Variants in A2M observed in about 807,000 individuals in gnomAD.
A2M encodes C3 and PZP-like alpha-2-macroglobulin domain-containing protein 5.
A2M carries 128 observed loss-of-function variants against 183.9 expected under a neutral mutation model. The ratio of observed to expected loss-of-function variants is 0.70; its 90% CI spans 0.60 to 0.81. The LOEUF is 0.81. Ranked by LOEUF, A2M falls within the 30% of genes least tolerant of loss-of-function variation. The pLI, the probability that A2M is intolerant of heterozygous loss-of-function variation, is 0.00. For synonymous variants in A2M, 592 were observed against 670.8 expected, an observed-to-expected ratio of 0.88 and a Z score of 1.81; for missense variants, 1,495 against 1,787.6, an observed-to-expected ratio of 0.84 and a Z score of 2.95.
At chr12:9,109,287 T>A (rs1565603286) in intron 7 of A2M, 34 bp downstream of exon 7, 1 of 1,521,080 alleles carries the variant, frequency 6.6e-7, no homozygotes, top group African/African-American at 1.4e-5. Flanking sequence ...TTTTAAATAA[T>A]CCCCCACAAA....
rs1314308080 is a variant in A2M, at chr12:9,072,452, T to A, written c.4010A>T (p.Glu1337Val). The A allele has an allele frequency of 2.5e-6, 4 of 1,613,088 alleles. No homozygotes were observed. The highest frequency in any genetic ancestry group is 3.4e-6 in the Non-Finnish European group (4 of 1,179,724). The change falls in exon 31 of 36, where the codon GAA becomes GTA. Residue 1337 changes from glutamate to valine, a missense_variant. Coordinates refer to ENST00000318602, the MANE Select transcript of A2M (RefSeq NM_000014.6). ...CACTCCTAAAGCAAAGGGGAACTCT[T>A]CCTTTTCTGGGAGAATATTGTATTT... ...SLKYNILPEKEEFPFALGVQT... is the reference protein window; with the variant it reads ...SLKYNILPEKVEFPFALGVQT...
At chr12:9,105,284 G>C (rs1168413140) in intron 10 of A2M, among the ~76,000 whole-genome samples, 1 of 152,120 alleles carries the variant, frequency 6.6e-6, no homozygotes. Flanking sequence ...ACATAATTCT[G>C]ATTTTCTTCT....
rs780239751 is a variant in A2M, at chr12:9,110,234, T to C, written c.504+80A>G. The C allele has an allele frequency of 3.2e-4, 398 of 1,251,616 alleles. 2 individuals are homozygous for C. In the South Asian group the frequency reaches 5.0e-3, roughly 16 times the overall value. 77.5% of individuals were successfully genotyped at this position (1,251,616 alleles called of 1,614,324 possible). A position where few individuals can be genotyped will look rare whatever the true frequency, so the allele number is the denominator to read the frequency against. ...CCTTTAATGACAAGTTTCTGAGATA[T>C]TGTAAAAACCTCTGAAATAAGAACA... is the stretch of plus-strand genomic sequence containing the variant. On this transcript the variant is annotated intron_variant, in intron 5 of 35. Transcript: ENST00000318602.
intron 26 of A2M, 87 bp downstream of exon 26, chr12:9,077,614 C>T: frequency 1.3e-6 from 2 of 1,560,002 alleles, no homozygotes; most frequent in Non-Finnish European, 1.7e-6. Context: ...GAGGCTTTCC[C>T]TTAGAATTTT....
At chr12:9,074,363 G>A (rs1040953787) in intron 29 of A2M, among the ~76,000 whole-genome samples, 197 bp downstream of exon 29, 14 of 152,068 alleles carry the variant, frequency 9.2e-5, no homozygotes, top group African/African-American at 2.9e-4. Flanking sequence ...ATGGGGTGCC[G>A]GGATTCTGAG....
chr12:9,091,195 C>A lies in A2M; in HGVS notation c.2469+6G>T. The A allele has an allele frequency of 1.2e-6, 2 of 1,612,588 alleles. No individual in the cohort carries two copies. Among genetic ancestry groups the A allele is most frequent in the Non-Finnish European group, 1.7e-6 (2 of 1,178,698 alleles). On this transcript the variant is annotated splice_donor_region_variant and intron_variant, in intron 19 of 35. Coordinates refer to ENST00000318602, the MANE Select transcript of A2M (RefSeq NM_000014.6). ...CTTGTATTTAATTTAGGAAAGAGAT[C>A]CTTACCCGGATGCATTTGGGAAGGT...
chr12:9,089,472 G>T (rs1207039861), intron 21 of A2M, among the ~76,000 whole-genome samples: 1 of 152,194 alleles, frequency 6.6e-6, no homozygotes, highest in Non-Finnish European at 1.5e-5. Context: ...TGTGCATGGT[G>T]GCTCACACCT....
At chr12:9,093,437 C>G (rs371612562) in intron 18 of A2M, 28 bp downstream of exon 18, 12 of 1,480,944 alleles carry the variant, frequency 8.1e-6, no homozygotes, top group Non-Finnish European at 1.0e-5. Context: ...TCTATTGTTG[C>G]ATATTGCATA....
In A2M at chr12:9,091,381, G is replaced by C. The variant is rs753034102; in HGVS notation, c.2289C>G (p.Thr763=). The C allele has an allele frequency of 1.9e-6, 3 of 1,614,158 alleles. No homozygotes were observed. The highest frequency in any genetic ancestry group is 2.2e-5 in the East Asian group (1 of 44,868). ...GGCAGAAGGCCCCTGCCTTCCACTC[G>C]GTGATGGTGTCAGGGACTGTTACTC... ...EVGVTVPDTI[T]EWKAGAFCLS... The change falls in exon 19 of 36, where the codon ACC becomes ACG. Residue 763 remains threonine, a synonymous_variant. Coordinates refer to ENST00000318602, the MANE Select transcript of A2M (RefSeq NM_000014.6).
intron 22 of A2M, among the ~76,000 whole-genome samples, chr12:9,085,181 C>G (rs1225670521): frequency 6.6e-6 from 1 of 151,906 alleles, no homozygotes; most frequent in Non-Finnish European, 1.5e-5. Context: ...TCAAATAGAC[C>G]TAATGGATAC....
In A2M at chr12:9,104,237, AC is replaced by A; in HGVS notation, c.1266+1del. On this transcript the variant is annotated splice_donor_variant, in intron 11 of 35. Coordinates refer to ENST00000318602, the MANE Select transcript of A2M (RefSeq NM_000014.6). LOFTEE classifies it high-confidence loss of function. ...TCATTGGTAATTTCTTTCCAAACTT[AC>A]CCTAACAGTAAGAGAGGTACCCATA... The A allele has an allele frequency of 6.2e-7, 1 of 1,607,560 alleles. No individual in the cohort carries two copies. The highest frequency in any genetic ancestry group is 2.2e-5 in the East Asian group (1 of 44,666).
At chr12:9,076,477 T>TA (rs1203804116) in intron 28 of A2M, among the ~76,000 whole-genome samples, 1 of 152,226 alleles carries the variant, frequency 6.6e-6, no homozygotes, top group Non-Finnish European at 1.5e-5. Flanking sequence ...GTCCCTGACT[T>TA]ACAATGGTCC....
chr12:9,069,488 A>C (rs1387268624), intron 33 of A2M, among the ~76,000 whole-genome samples: 1 of 152,188 alleles, frequency 6.6e-6, no homozygotes, highest in African/African-American at 2.4e-5. Flanking sequence ...TCAACATAAT[A>C]AACACATTTT....
chr12:9,115,435 C>G (rs931341727), intron 1 of A2M: 1 of 188,298 alleles, frequency 5.3e-6, no homozygotes, highest in Non-Finnish European at 1.1e-5. Context: ...AGAAAATGGA[C>G]CCTTGAGAAA....
chr12:9,112,431 C>T lies in A2M; in HGVS notation c.376G>A (p.Asp126Asn), dbSNP rs749283004. ...TCTGTCTGGACAAAGACCAGACTGT[C>T]CTCGTTCTTAACCATCACTGTGGTC... ...KRTTVMVKNE[D>N]SLVFVQTDKS... is the part of the protein sequence containing the mutation. The change falls in exon 3 of 36, where the codon GAC (aspartate) becomes AAC (asparagine). Residue 126 changes from aspartate (D) to asparagine (N), a missense_variant. By Grantham distance (23) the Asp-to-Asn change is conservative (BLOSUM62 1). Transcript: ENST00000318602. 1 of 1,613,862 alleles carries T rather than the reference C, an allele frequency of 6.2e-7. No homozygotes were observed. Among genetic ancestry groups the T allele is most frequent in the Non-Finnish European group, 8.5e-7 (1 of 1,179,906 alleles).
At chr12:9,088,629 G>A (rs1019883792) in intron 22 of A2M, among the ~76,000 whole-genome samples, 3 of 152,148 alleles carry the variant, frequency 2.0e-5, no homozygotes, top group African/African-American at 7.2e-5. Flanking sequence ...TTTGGGGTGA[G>A]AATGCATTGT....
At chr12:9,087,976 TA>T (rs1949098795) in intron 22 of A2M, among the ~76,000 whole-genome samples, 2 of 152,244 alleles carry the variant, frequency 1.3e-5, no homozygotes, top group South Asian at 4.1e-4. Context: ...ATAGGAAGAC[TA>T]AAACACTAAG....
chr12:9,072,306 A>G, intron 31 of A2M, 53 bp downstream of exon 31: 1 of 1,594,948 alleles, frequency 6.3e-7, no homozygotes, highest in Non-Finnish European at 8.5e-7. Context: ...GAGTTCCCGA[A>G]AGAAGACTGG....
chr12:9,102,632 C>A (rs780363735), intron 11 of A2M, among the ~76,000 whole-genome samples: 20 of 152,300 alleles, frequency 1.3e-4, no homozygotes, highest in African/African-American at 4.8e-4. Context: ...TCCTTTCAGG[C>A]TTCCTCTACC....
Sources: gnomAD v4.1 joint callset for allele counts (sites outside exome capture counted in the v4.1 genomes callset) on GRCh38, gnomAD v4.1.1 for gene constraint, MANE v1.5 for transcripts, NCBI Gene and HGNC (gene_info 2026-07-23, HGNC 2026-07-21) for gene names.